Variants in RERE observed in about 807,000 individuals in gnomAD.
The protein encoded by RERE is arginine-glutamic acid dipeptide repeats.
Under a neutral mutation model 146.1 loss-of-function variants are expected in RERE, and 40 were observed. That is an observed-to-expected ratio of 0.27 (90% CI 0.21 to 0.36). The LOEUF (loss-of-function observed/expected upper bound fraction) is 0.36. Among genes scored for constraint, RERE ranks in the 10% least tolerant of loss-of-function variants. The pLI is 1.00. For missense variants in RERE, 1,933 were observed against 2,138.7 expected, an observed-to-expected ratio of 0.90 and a Z score of 1.90; for synonymous variants, 1,003 against 866.0, an observed-to-expected ratio of 1.16 and a Z score of -2.78.
At chr1:8,633,476 C>A (rs1004499928) in intron 2 of RERE, among the ~76,000 whole-genome samples, 17 of 150,278 alleles carry the variant, frequency 1.1e-4, no homozygotes, top group East Asian at 7.9e-4. Context: ...CACACACACA[C>A]AAAAATGTAC....
At chr1:8,634,295 G>A (rs114238492) in intron 2 of RERE, among the ~76,000 whole-genome samples, 2,330 of 152,232 alleles carry the variant, frequency 0.015, 61 homozygotes, top group African/African-American at 0.053. Flanking sequence ...TATTACTAAC[G>A]TATCACTTCC....
chr1:8,719,583 G>T (rs1639823651), intron 1 of RERE, among the ~76,000 whole-genome samples: 1 of 152,108 alleles, frequency 6.6e-6, no homozygotes, highest in South Asian at 2.1e-4. Flanking sequence ...AAATGACAGA[G>T]ATTTGCCCTC....
At position 8,366,608 on chromosome 1, in the gene RERE, G is replaced by A. The variant is rs1024319579; in HGVS notation, c.1285-634C>T. On this transcript the variant is annotated intron_variant, in intron 12 of 22. Coordinates refer to ENST00000400908, the MANE Select transcript of RERE (RefSeq NM_001042681.2). ...TCTGAAGGCCCACATCTGACATGCC[G>A]GCACGACGTCCAGAGGCAAGGACTG... Among the ~76,000 whole-genome samples the A allele has an allele frequency of 7.2e-5, 11 of 152,238 alleles. No individual in the cohort carries two copies. The South Asian group carries it at 1.7e-3, about 23-fold the overall frequency.
At chr1:8,782,670 C>T (rs1420271323) in intron 1 of RERE, among the ~76,000 whole-genome samples, 1 of 152,142 alleles carries the variant, frequency 6.6e-6, no homozygotes, top group Admixed American at 6.6e-5. Context: ...CTTTGGGAGG[C>T]CGAGGTGGGC....
intron 4 of RERE, among the ~76,000 whole-genome samples, chr1:8,606,897 TAAG>T (rs1646718235): frequency 6.6e-6 from 1 of 152,144 alleles, no homozygotes. Context: ...AGATCAAAGA[TAAG>T]AACTGAAAAT....
At chr1:8,667,796 C>A (rs746165361) in intron 1 of RERE, among the ~76,000 whole-genome samples, 2 of 152,216 alleles carry the variant, frequency 1.3e-5, no homozygotes, top group Non-Finnish European at 2.9e-5. Context: ...ACACTGCCAA[C>A]AGTTGTGTCT....
In RERE at chr1:8,726,988, T is replaced by C. The variant is rs190587916; in HGVS notation, c.-144-70547A>G. On this transcript the variant is annotated intron_variant, in intron 1 of 22. Coordinates refer to ENST00000400908, the MANE Select transcript of RERE (RefSeq NM_001042681.2). ...ACCCAGCTCATTTTTGTACTCTTAG[T>C]AGAGACGGGTTTTCACCATGTTGGC... is the stretch of plus-strand genomic sequence containing the variant. 3.9e-5 allele frequency among the ~76,000 whole-genome samples: 6 copies of C among 152,030 alleles called. No homozygotes were observed. The East Asian group carries it at 1.2e-3, about 29-fold the overall frequency.
At position 8,417,152 on chromosome 1, in the gene RERE, A is replaced by T. The variant is rs370773835; in HGVS notation, c.1284+5575T>A. Among the ~76,000 whole-genome samples, 40 of 152,318 alleles carry T rather than the reference A, an allele frequency of 2.6e-4. No homozygotes were observed. In the South Asian group the frequency reaches 7.9e-3, roughly 30 times the overall value. ...GGAAAATTGTTTATTTAAGGTTATA[A>T]CCTGAAATTAAATAAAACTTCAGGC... On this transcript the variant is annotated intron_variant, in intron 12 of 22. Coordinates refer to ENST00000400908, the MANE Select transcript of RERE (RefSeq NM_001042681.2).
Position 8,358,284 on chromosome 1 carries a change from C to G in RERE, c.4251G>C (p.Leu1417=). 1 of 1,613,644 alleles carries G rather than the reference C, an allele frequency of 6.2e-7. No homozygotes were observed. Among genetic ancestry groups the G allele is most frequent in the East Asian group, 2.2e-5 (1 of 44,854 alleles). Residue 1417 remains leucine (L), a synonymous_variant, in exon 20 of 23, where the codon CTG becomes CTC. Coordinates refer to ENST00000400908, the MANE Select transcript of RERE (RefSeq NM_001042681.2). ...ASLTSDPLAR[L]QMFNVTPHHH... ...GGTGCGGAGTCACGTTGAACATCTG[C>G]AGTCGGGCCAGGGGATCGCTGGTCA...
rs375155664 is a variant in RERE at position 8,358,398 on chromosome 1, C to A, written c.4137G>T (p.Leu1379=). Residue 1379 remains leucine, a synonymous_variant, in exon 20 of 23, where the codon CTG becomes CTT. Coordinates refer to ENST00000400908, the MANE Select transcript of RERE (RefSeq NM_001042681.2). ...PGLNPLERER[L]ALAGPQLRPE... ...GCCGCAGCTGGGGGCCCGCCAGGGC[C>A]AGTCTCTCCCTCTCCAAGGGGTTCA... The A allele has an allele frequency of 1.2e-6, 2 of 1,606,674 alleles. No homozygotes were observed. Among genetic ancestry groups the A allele is most frequent in the African/African-American group, 2.7e-5 (2 of 74,826 alleles).
intron 4 of RERE, among the ~76,000 whole-genome samples, chr1:8,563,393 GAAC>G (rs1275449063): frequency 1.3e-5 from 2 of 152,160 alleles, no homozygotes; most frequent in Non-Finnish European, 2.9e-5. Context: ...AAGCCAGACA[GAAC>G]AACTGTAAAT....
chr1:8,572,660 T>C (rs971405475), intron 4 of RERE, among the ~76,000 whole-genome samples: 5 of 152,220 alleles, frequency 3.3e-5, no homozygotes, highest in Admixed American at 3.3e-4. Flanking sequence ...GTTCTGGAGA[T>C]GGTTGCTGAG....
At chr1:8,365,757 G>A in intron 13 of RERE, 55 bp downstream of exon 13, 1 of 1,590,920 alleles carries the variant, frequency 6.3e-7, no homozygotes, top group East Asian at 2.2e-5. Context: ...AGTGGGACAG[G>A]CTGCCCGTGA....
intron 2 of RERE, among the ~76,000 whole-genome samples, chr1:8,629,740 A>G (rs1036572578): frequency 1.3e-5 from 2 of 152,156 alleles, no homozygotes; most frequent in African/African-American, 2.4e-5. Context: ...TGGTCACAAC[A>G]TATATAGGCA....
chr1:8,440,934 C>T (rs989217320), intron 11 of RERE, among the ~76,000 whole-genome samples: 2 of 137,690 alleles, frequency 1.5e-5, no homozygotes, highest in African/African-American at 2.7e-5. Flanking sequence ...AGTAATATAA[C>T]TGCTCTATGA....
chr1:8,461,800 A>G (rs1644530253), intron 11 of RERE, among the ~76,000 whole-genome samples: 1 of 152,190 alleles, frequency 6.6e-6, no homozygotes, highest in South Asian at 2.1e-4. Context: ...AGGAAGAACA[A>G]GAAGAAAGAG....
intron 7 of RERE, among the ~76,000 whole-genome samples, chr1:8,513,652 T>C (rs1476024058): frequency 6.6e-6 from 1 of 152,162 alleles, no homozygotes; most frequent in Non-Finnish European, 1.5e-5. Context: ...TGGTGTTGCA[T>C]GCTTGCAATC....
intron 4 of RERE, among the ~76,000 whole-genome samples, chr1:8,587,642 G>A (rs1008325902): frequency 1.1e-4 from 16 of 152,110 alleles, no homozygotes; most frequent in African/African-American, 2.4e-4. Context: ...GCTAAAACAC[G>A]ATCTTGGCTC....
chr1:8,616,526 C>A (rs1052212461), intron 3 of RERE, among the ~76,000 whole-genome samples: 3 of 152,126 alleles, frequency 2.0e-5, no homozygotes, highest in African/African-American at 7.2e-5. Flanking sequence ...CTGCAAATAT[C>A]AGATTGTCTC....
Sources: gnomAD v4.1 joint callset for allele counts (sites outside exome capture counted in the v4.1 genomes callset) on GRCh38, gnomAD v4.1.1 for gene constraint, MANE v1.5 for transcripts, NCBI Gene and HGNC (gene_info 2026-07-23, HGNC 2026-07-21) for gene names.